The following SENP5 variants were observed in gnomAD, a reference collection of about 807,000 sequenced individuals.
The protein encoded by SENP5 is sentrin-specific protease 5.
A neutral mutation model predicts 74.2 loss-of-function variants in SENP5; 21 were observed. The observed-to-expected ratio is 0.28, with a 90% CI of 0.20 to 0.41. SENP5 has a LOEUF of 0.41. Among genes scored for constraint, SENP5 ranks in the 10% least tolerant of loss-of-function variants. SENP5 has a pLI of 1.00. For missense variants in SENP5, 717 were observed against 889.1 expected (o/e 0.81, Z 2.46); for synonymous variants, 311 against 312.7 (o/e 0.99, Z 0.06).
intron 1 of SENP5, among the ~76,000 whole-genome samples, chr3:196,881,617 A>T (rs1713727966): frequency 6.6e-6 from 1 of 152,064 alleles, no homozygotes; most frequent in Admixed American, 6.5e-5. Flanking sequence ...GCTTTTTTTC[A>T]GTTATCTCTT....
At position 196,886,070 on chromosome 3, in the gene SENP5, A is replaced by G. The variant is rs1713953348; in HGVS notation, c.889A>G (p.Lys297Glu). ...CAGCCCATTTCCTTCCCCAGAACCT[A>G]AAGACCCTTCTTGTCGGCATCAGCC... The part of the protein sequence containing the change: ...SCSPFPSPEP[K>E]DPSCRHQPYF... The change falls in exon 2 of 10, where the codon AAA becomes GAA. Residue 297 changes from lysine (K) to glutamate (E), a missense_variant. This residue lies in a region of SENP5 where 567 missense variants were observed against 577.4 expected (regional missense o/e 0.98). Transcript: ENST00000323460. 6.2e-7 allele frequency: 1 copy of G among 1,614,222 alleles called. No homozygotes were observed. Among genetic ancestry groups the G allele is most frequent in the African/African-American group, 1.3e-5 (1 of 75,062 alleles).
intron 7 of SENP5, among the ~76,000 whole-genome samples, chr3:196,926,639 CTTTTTTTTT>C (rs1192258612): frequency 2.4e-5 from 3 of 126,684 alleles, no homozygotes; most frequent in Non-Finnish European, 4.9e-5. Context: ...TCCAGTCCAC[CTTTTTTTTT>C]TTTTTTTTGA....
intron 6 of SENP5, among the ~76,000 whole-genome samples, chr3:196,908,116 A>T (rs1483074223): frequency 6.6e-6 from 1 of 152,088 alleles, no homozygotes; most frequent in Non-Finnish European, 1.5e-5. Context: ...CCCCGTTTCT[A>T]TAAAAAATTT....
chr3:196,892,772 G>A (rs1364184987), intron 2 of SENP5, among the ~76,000 whole-genome samples: 1 of 151,992 alleles, frequency 6.6e-6, no homozygotes, highest in African/African-American at 2.4e-5. Flanking sequence ...CTATGAGTTT[G>A]ACTTTAGATT....
chr3:196,919,407 A>G (rs1438329494), intron 6 of SENP5, among the ~76,000 whole-genome samples: 1 of 152,190 alleles, frequency 6.6e-6, no homozygotes, highest in Non-Finnish European at 1.5e-5. Flanking sequence ...CTTGAACCCT[A>G]GCAGCGGAGG....
At chr3:196,875,639 A>C (rs1364279812) in intron 1 of SENP5, among the ~76,000 whole-genome samples, 2 of 152,190 alleles carry the variant, frequency 1.3e-5, no homozygotes, top group Non-Finnish European at 2.9e-5. Flanking sequence ...ATTTCTTCAG[A>C]GAAAAAATAA....
chr3:196,915,818 C>T (rs1715345017), intron 6 of SENP5, among the ~76,000 whole-genome samples: 1 of 152,192 alleles, frequency 6.6e-6, no homozygotes, highest in African/African-American at 2.4e-5. Flanking sequence ...CTCCAGGAGC[C>T]TGCAAGGGTC....
At chr3:196,873,783 G>C (rs983266838) in intron 1 of SENP5, among the ~76,000 whole-genome samples, 1 of 152,118 alleles carries the variant, frequency 6.6e-6, no homozygotes, top group Non-Finnish European at 1.5e-5. Context: ...AGCTTGCAGT[G>C]AGCTGAGATG....
At chr3:196,883,528 T>G (rs554429345) in intron 1 of SENP5, among the ~76,000 whole-genome samples, 1 of 152,230 alleles carries the variant, frequency 6.6e-6, no homozygotes, top group South Asian at 2.1e-4. Context: ...AAGTGAAACT[T>G]TCATCATCTG....
At position 196,908,465 on chromosome 3, in the gene SENP5, A is replaced by G. The variant is rs548140493; in HGVS notation, c.1884+4855A>G. 5.3e-5 allele frequency among the ~76,000 whole-genome samples: 8 copies of G among 152,308 alleles called. 1 individual carries two copies. The South Asian group carries it at 1.7e-3, about 32-fold the overall frequency. On this transcript the variant is annotated intron_variant, in intron 6 of 9. Coordinates refer to ENST00000323460, the MANE Select transcript of SENP5 (RefSeq NM_152699.5). ...CAGTGTTAAGAGGGAAGTTTATAGC[A>G]CTAAATGCCCACATCGAAAAGCTGG...
intron 2 of SENP5, among the ~76,000 whole-genome samples, chr3:196,898,126 C>T (rs1006052570): frequency 1.3e-5 from 2 of 149,420 alleles, no homozygotes; most frequent in Admixed American, 6.7e-5. Flanking sequence ...TGCAGTGAGC[C>T]GAAATCGCAC....
At chr3:196,914,085 T>G (rs1715252033) in intron 6 of SENP5, 2 of 152,186 alleles carry the variant, frequency 1.3e-5, no homozygotes. Flanking sequence ...TGCAATATTT[T>G]GGGTAAATTA....
At chr3:196,900,099 C>T (rs955715005) in intron 4 of SENP5, 37 bp downstream of exon 4, 2 of 1,592,628 alleles carry the variant, frequency 1.3e-6, no homozygotes, top group East Asian at 4.5e-5. Flanking sequence ...GGAGAAGTTG[C>T]AGAGGATGTT....
In SENP5 at chr3:196,886,181, T is replaced by C. The variant is rs1438216916; in HGVS notation, c.1000T>C (p.Leu334=). The part of the protein sequence containing the change: ...PDCHTKGSSF[L]GKELSLDEAF... ...TTGCCACACTAAAGGAAGCTCTTTCTTGGGCAAGGAGCTTAGTTTAGACGA... is the reference window on the plus strand; with the variant it reads ...TTGCCACACTAAAGGAAGCTCTTTCCTGGGCAAGGAGCTTAGTTTAGACGA... Residue 334 remains leucine, a synonymous_variant, in exon 2 of 10, where the codon TTG becomes CTG. Coordinates refer to ENST00000323460, the MANE Select transcript of SENP5 (RefSeq NM_152699.5). 5 of 1,614,104 alleles carry C rather than the reference T, an allele frequency of 3.1e-6. No homozygotes were observed. The Admixed American group carries it at 6.7e-5, about 22-fold the overall frequency.
At chr3:196,900,253 A>G (rs573481968) in intron 4 of SENP5, 112 bp from the exon 5 acceptor site, 18 of 1,114,688 alleles carry the variant, frequency 1.6e-5, no homozygotes, top group Non-Finnish European at 2.3e-5. Flanking sequence ...TCTGATTGGG[A>G]TGTACTGAAT....
intron 2 of SENP5, among the ~76,000 whole-genome samples, chr3:196,894,759 C>T (rs1045045336): frequency 2.0e-5 from 3 of 152,066 alleles, no homozygotes; most frequent in African/African-American, 4.8e-5. Context: ...TCACCTCTCT[C>T]CTTTAATTCT....
intron 6 of SENP5, among the ~76,000 whole-genome samples, chr3:196,922,773 C>T (rs1715669457): frequency 1.3e-5 from 2 of 152,190 alleles, no homozygotes; most frequent in African/African-American, 4.8e-5. Flanking sequence ...CAGTGCACAC[C>T]ACCACGCCCG....
At chr3:196,875,799 A>C (rs901402189) in intron 1 of SENP5, among the ~76,000 whole-genome samples, 11 of 152,000 alleles carry the variant, frequency 7.2e-5, no homozygotes, top group Admixed American at 2.0e-4. Flanking sequence ...GTGTGATCAT[A>C]GCTCAGTGAA....
At chr3:196,876,713 C>CA (rs34016373) in intron 1 of SENP5, among the ~76,000 whole-genome samples, 2,449 of 108,152 alleles carry the variant, frequency 0.023, 39 homozygotes, top group African/African-American at 0.065. Context: ...CGTATTTCTA[C>CA]AAAAAAAAAA....
Sources: gnomAD v4.1 joint callset for allele counts (sites outside exome capture counted in the v4.1 genomes callset) on GRCh38, gnomAD v4.1.1 for gene constraint, gnomAD v4.1.1 regional missense constraint, MANE v1.5 for transcripts, NCBI Gene and HGNC (gene_info 2026-07-23, HGNC 2026-07-21) for gene names.